The following GRXCR1 variants were observed in gnomAD, a reference collection of about 807,000 sequenced individuals.
GRXCR1 encodes glutaredoxin domain-containing cysteine-rich protein 1.
GRXCR1 carries 27 observed loss-of-function variants against 27.3 expected under a neutral mutation model. The ratio of observed to expected loss-of-function variants is 0.99; its 90% confidence interval spans 0.73 to 1.37. The LOEUF (loss-of-function observed/expected upper bound fraction) is 1.37. Among genes scored for constraint, GRXCR1 ranks in the 40% most tolerant of loss-of-function variants. The pLI is 0.00. For synonymous variants in GRXCR1, 122 were observed against 131.1 expected (o/e 0.93, Z 0.47); for missense variants, 379 against 354.4 (o/e 1.07, Z -0.56).
chr4:42,988,394 C>T (rs1711849863), intron 2 of GRXCR1, among the ~76,000 whole-genome samples: 1 of 152,068 alleles, frequency 6.6e-6, no homozygotes, highest in Non-Finnish European at 1.5e-5. Context: ...TGAAGACTGC[C>T]AAGTTCAGCT....
intron 2 of GRXCR1, among the ~76,000 whole-genome samples, chr4:43,001,904 A>T (rs1042325605): frequency 1.3e-5 from 2 of 152,174 alleles, no homozygotes; most frequent in South Asian, 2.1e-4. Context: ...ATGTGAGCAA[A>T]ATAATCTATG....
chr4:42,948,260 G>A (rs1417440284), intron 1 of GRXCR1, among the ~76,000 whole-genome samples: 2 of 150,550 alleles, frequency 1.3e-5, no homozygotes, highest in Non-Finnish European at 2.9e-5. Context: ...ATACCTGAAA[G>A]GAAAGCATAT....
intron 1 of GRXCR1, among the ~76,000 whole-genome samples, chr4:42,959,738 G>A (rs1018464148): frequency 1.3e-5 from 2 of 151,848 alleles, no homozygotes; most frequent in Non-Finnish European, 2.9e-5. Flanking sequence ...GATCTGGGGC[G>A]AGGCCTGTGA....
At chr4:42,977,182 G>GTA (rs1748545568) in intron 2 of GRXCR1, among the ~76,000 whole-genome samples, 2 of 151,908 alleles carry the variant, frequency 1.3e-5, no homozygotes, top group Non-Finnish European at 2.9e-5. Context: ...ATTCCATTGT[G>GTA]TATATATATT....
At chr4:42,979,720 T>C (rs1490099217) in intron 2 of GRXCR1, among the ~76,000 whole-genome samples, 1 of 152,022 alleles carries the variant, frequency 6.6e-6, no homozygotes, top group Non-Finnish European at 1.5e-5. Flanking sequence ...AGAGATTTTT[T>C]TGGTGTGTGG....
intron 2 of GRXCR1, among the ~76,000 whole-genome samples, chr4:42,988,769 C>T (rs527432248): frequency 4.6e-5 from 7 of 152,022 alleles, no homozygotes; most frequent in East Asian, 1.9e-4. Flanking sequence ...ACTTGTACTG[C>T]GACTGAGAAA....
At chr4:42,990,036 A>G (rs967644925) in intron 2 of GRXCR1, among the ~76,000 whole-genome samples, 4 of 151,960 alleles carry the variant, frequency 2.6e-5, no homozygotes, top group African/African-American at 7.2e-5. Flanking sequence ...TGAGCATAGT[A>G]TATAGCAGTT....
chr4:42,982,812 A>G (rs1408180857), intron 2 of GRXCR1, among the ~76,000 whole-genome samples: 113 of 150,468 alleles, frequency 7.5e-4, no homozygotes, highest in African/African-American at 2.6e-3. Context: ...GCCAGTGATG[A>G]TGAGCATTTT....
At chr4:43,025,522 C>G (rs1335437585) in intron 3 of GRXCR1, among the ~76,000 whole-genome samples, 2 of 152,230 alleles carry the variant, frequency 1.3e-5, no homozygotes, top group Non-Finnish European at 2.9e-5. Flanking sequence ...TTCTCTTGAG[C>G]TCCACTCCAA....
At chr4:42,998,927 T>C (rs1712262428) in intron 2 of GRXCR1, among the ~76,000 whole-genome samples, 1 of 152,222 alleles carries the variant, frequency 6.6e-6, no homozygotes, top group African/African-American at 2.4e-5. Context: ...CAGCTAACAT[T>C]GGTGACTTGA....
chr4:42,893,224 G>C lies in GRXCR1; in HGVS notation c.-43G>C. The C allele has an allele frequency of 6.2e-7, 1 of 1,611,566 alleles. No individual in the cohort carries two copies. The highest frequency in any genetic ancestry group is 8.5e-7 in the Non-Finnish European group (1 of 1,178,820). Reference sequence around the variant, plus strand: ...GCAAGTGGACTAGTGCAGTAACAACGGGTCCAGAATGCTGTAAACTGTTCA... The same window carrying C: ...GCAAGTGGACTAGTGCAGTAACAACCGGTCCAGAATGCTGTAAACTGTTCA... On this transcript the variant is annotated 5_prime_UTR_variant, in exon 1 of 4. Coordinates refer to ENST00000399770, the MANE Select transcript of GRXCR1 (RefSeq NM_001080476.3).
At chr4:42,942,264 G>A (rs1481493319) in intron 1 of GRXCR1, among the ~76,000 whole-genome samples, 1 of 151,942 alleles carries the variant, frequency 6.6e-6, no homozygotes, top group Non-Finnish European at 1.5e-5. Context: ...AAAGGTGGGG[G>A]AGTTGAAGTT....
At chr4:42,969,432 AC>A (rs1179788784) in intron 2 of GRXCR1, among the ~76,000 whole-genome samples, 3 of 152,126 alleles carry the variant, frequency 2.0e-5, no homozygotes, top group African/African-American at 7.2e-5. Flanking sequence ...CAGTTGGAAG[AC>A]CTCTGTAATG....
At chr4:42,955,121 G>A (rs1747968479) in intron 1 of GRXCR1, among the ~76,000 whole-genome samples, 1 of 152,012 alleles carries the variant, frequency 6.6e-6, no homozygotes, top group African/African-American at 2.4e-5. Context: ...AGCCAGGTTG[G>A]CCCACTGCCT....
chr4:42,928,828 A>G (rs1747233123), intron 1 of GRXCR1, among the ~76,000 whole-genome samples: 1 of 151,982 alleles, frequency 6.6e-6, no homozygotes, highest in South Asian at 2.1e-4. Context: ...TAATTAGAGC[A>G]GAACATTACC....
At chr4:42,895,387 C>G (rs1046235886) in intron 1 of GRXCR1, among the ~76,000 whole-genome samples, 1 of 152,082 alleles carries the variant, frequency 6.6e-6, no homozygotes, top group Admixed American at 6.6e-5. Context: ...GGTACTTAAT[C>G]AGATCTATCC....
At chr4:42,961,785 C>A (rs1021048402) in intron 1 of GRXCR1, among the ~76,000 whole-genome samples, 1 of 151,978 alleles carries the variant, frequency 6.6e-6, no homozygotes, top group African/African-American at 2.4e-5. Context: ...TACCTGTCCA[C>A]GTGCATCTTG....
intron 2 of GRXCR1, among the ~76,000 whole-genome samples, chr4:42,982,910 T>A (rs918772654): frequency 4.6e-5 from 7 of 152,050 alleles, no homozygotes; most frequent in Admixed American, 2.0e-4. Context: ...GTTGTTTGTT[T>A]TTTTTTGTAA....
At chr4:42,967,575 T>C (rs896088738) in intron 2 of GRXCR1, among the ~76,000 whole-genome samples, 3 of 152,166 alleles carry the variant, frequency 2.0e-5, no homozygotes, top group African/African-American at 7.2e-5. Context: ...GTGTCAGTTC[T>C]AGTTGATTTC....
Sources: allele counts gnomAD v4.1 joint callset (sites outside exome capture counted in the v4.1 genomes callset), GRCh38; gene constraint gnomAD v4.1.1; transcripts MANE v1.5; gene names NCBI Gene and HGNC (gene_info 2026-07-23, HGNC 2026-07-21).